Variants in VRK2 observed in about 807,000 individuals in gnomAD.
VRK2 encodes serine/threonine-protein kinase VRK2.
VRK2 carries 60 observed loss-of-function variants against 57.6 expected under a neutral mutation model. The observed-to-expected ratio is 1.04, with a 90% confidence interval of 0.85 to 1.29. The LOEUF is 1.29. Among genes scored for constraint, VRK2 ranks in the 50% most tolerant of loss-of-function variants. VRK2 has a pLI of 0.00. For missense variants in VRK2, 705 were observed against 588.1 expected (o/e 1.20, Z -2.06); for synonymous variants, 231 against 199.2 (o/e 1.16, Z -1.35).
chr2:58,144,349 T>G (rs1224153086), intron 11 of VRK2, among the ~76,000 whole-genome samples: 1 of 152,040 alleles, frequency 6.6e-6, no homozygotes, highest in African/African-American at 2.4e-5. Flanking sequence ...TTAGTAATAC[T>G]GTGTTGTATT....
chr2:58,090,672 A>G (rs1353493097), intron 7 of VRK2, among the ~76,000 whole-genome samples: 2 of 152,060 alleles, frequency 1.3e-5, no homozygotes, highest in East Asian at 3.9e-4. Context: ...AAAGCTAGAC[A>G]CTCTTAACAT....
intron 1 of VRK2, among the ~76,000 whole-genome samples, chr2:57,958,480 C>T (rs755373144): frequency 3.4e-4 from 51 of 150,996 alleles, no homozygotes; most frequent in Non-Finnish European, 6.0e-4. Context: ...TACACACACA[C>T]ATATATCATA....
intron 4 of VRK2, among the ~76,000 whole-genome samples, chr2:58,085,942 T>G (rs1671562868): frequency 6.8e-6 from 1 of 148,002 alleles, no homozygotes. Context: ...TTTTTTTTTT[T>G]TTTTGGTCCA....
At chr2:58,046,562 C>T (rs1271186290), upstream of VRK2, 108 of 985,504 alleles carry the variant, frequency 1.1e-4, no homozygotes, top group Non-Finnish European at 1.3e-4. Flanking sequence ...CAGACGCTGG[C>T]GGGCCAGGGT....
chr2:58,120,184 C>CTTTTTTTTTTTTTTTTTTTTGTTTTT (rs1677228728), intron 7 of VRK2, among the ~76,000 whole-genome samples: 1 of 51,988 alleles, frequency 1.9e-5, no homozygotes, highest in Non-Finnish European at 3.2e-5. Context: ...TTTTTCTTTT[C>CTTTTTTTTTTTTTTTTTTTTGTTTTT]TTTTTTTTTT....
chr2:58,086,853 G>A (rs1212774833), intron 5 of VRK2, among the ~76,000 whole-genome samples: 2 of 152,110 alleles, frequency 1.3e-5, no homozygotes, highest in Non-Finnish European at 1.5e-5. Flanking sequence ...ATTGGGGGAC[G>A]GGGAGAGCAT....
intron 7 of VRK2, among the ~76,000 whole-genome samples, chr2:58,096,837 ATTG>A (rs989513052): frequency 2.7e-5 from 4 of 150,862 alleles, no homozygotes; most frequent in Non-Finnish European, 5.9e-5. Context: ...TTCCTCCCTT[ATTG>A]TTTTATATTA....
rs1483994283 is a variant in VRK2, at chr2:58,139,765, CT to C, written c.959del (p.Leu320Ter). On this transcript the variant is annotated frameshift_variant, in exon 11 of 13. Coordinates refer to ENST00000340157, the MANE Select transcript of VRK2 (RefSeq NM_006296.7). LOFTEE classifies it high-confidence loss of function. ...AAAATTTTGAACCCTCATGGAATACCTTTAGGACCACTGGACTTTTCCACAA... is the reference window on the plus strand; with the variant it reads ...AAAATTTTGAACCCTCATGGAATACCTTAGGACCACTGGACTTTTCCACAA... Reference protein sequence around the residue: ...LKKILNPHGIPLGPLDFSTKG... With the variant: ...LKKILNPHGIXLGPLDFSTKG... 6.2e-7 allele frequency: 1 copy of C among 1,613,156 alleles called. No individual in the cohort carries two copies. Among genetic ancestry groups the C allele is most frequent in the East Asian group, 2.2e-5 (1 of 44,778 alleles).
At chr2:58,158,110 TCCTTA>T (rs1558718645) in intron 12 of VRK2, among the ~76,000 whole-genome samples, 1 of 152,218 alleles carries the variant, frequency 6.6e-6, no homozygotes, top group Non-Finnish European at 1.5e-5. Flanking sequence ...TTGACTTCTA[TCCTTA>T]CCTAAGTGGA....
intron 12 of VRK2, among the ~76,000 whole-genome samples, chr2:58,147,449 C>T (rs549767745): frequency 6.6e-6 from 1 of 151,940 alleles, no homozygotes; most frequent in Admixed American, 6.6e-5. Flanking sequence ...AAAGACAAAT[C>T]GTGCTTGGTG....
intron 11 of VRK2, among the ~76,000 whole-genome samples, 186 bp from the exon 12 acceptor site, chr2:58,146,130 T>C (rs1682086409): frequency 6.6e-6 from 1 of 152,022 alleles, no homozygotes; most frequent in Non-Finnish European, 1.5e-5. Flanking sequence ...GTCCCATTGA[T>C]GAGAAAGGGT....
upstream of VRK2, chr2:58,046,796 G>A (rs1245569099): frequency 1.9e-5 from 19 of 985,548 alleles, 1 homozygote; most frequent in South Asian, 7.0e-4. Context: ...TGTAGGCCCG[G>A]GGGCTCCGCC....
intron 1 of VRK2, among the ~76,000 whole-genome samples, chr2:58,021,640 T>C (rs1358367156): frequency 6.6e-6 from 1 of 152,190 alleles, no homozygotes; most frequent in Non-Finnish European, 1.5e-5. Flanking sequence ...ATCTTTTCTT[T>C]GTAATAGAAC....
chr2:58,028,735 G>A (rs1406821536), intron 2 of VRK2, among the ~76,000 whole-genome samples: 1 of 150,650 alleles, frequency 6.6e-6, no homozygotes, highest in Non-Finnish European at 1.5e-5. Context: ...GGGGCCTGTT[G>A]TGGGGTTGGG....
intron 1 of VRK2, among the ~76,000 whole-genome samples, chr2:57,939,515 A>T (rs531786306): frequency 9.8e-5 from 15 of 152,334 alleles, no homozygotes; most frequent in Non-Finnish European, 2.1e-4. Flanking sequence ...CATTTATTCA[A>T]ATAAAAAAAT....
In VRK2 at chr2:58,062,934, T is replaced by C. The variant is rs528149062; in HGVS notation, c.136+13967T>C. 3.9e-5 allele frequency among the ~76,000 whole-genome samples: 6 copies of C among 152,224 alleles called. No homozygotes were observed. The South Asian group carries it at 1.2e-3, about 32-fold the overall frequency. On this transcript the variant is annotated intron_variant, in intron 2 of 12. Transcript: ENST00000340157. ...ACAGCCTTCTATTGGAAGAAGATACTGTGTAGGACATTCATTGCTAGAGAG... is the reference window on the plus strand; with the variant it reads ...ACAGCCTTCTATTGGAAGAAGATACCGTGTAGGACATTCATTGCTAGAGAG...
intron 1 of VRK2, among the ~76,000 whole-genome samples, chr2:57,956,593 A>G (rs1019911739): frequency 5.3e-5 from 8 of 152,144 alleles, no homozygotes; most frequent in Middle Eastern, 3.4e-3. Context: ...TACATATATT[A>G]AGTTTGGGGA....
intron 1 of VRK2, among the ~76,000 whole-genome samples, chr2:57,987,925 T>TA: frequency 6.6e-6 from 1 of 152,290 alleles, no homozygotes. Flanking sequence ...CTTAAAAACT[T>TA]AATTTACAAG....
intron 1 of VRK2, among the ~76,000 whole-genome samples, chr2:57,945,422 C>T (rs1002024650): frequency 4.6e-5 from 7 of 152,096 alleles, no homozygotes; most frequent in Non-Finnish European, 8.8e-5. Flanking sequence ...AGGTCTGGCA[C>T]ATAATAGCTA....
Sources: allele counts gnomAD v4.1 joint callset (sites outside exome capture counted in the v4.1 genomes callset), GRCh38; gene constraint gnomAD v4.1.1; transcripts MANE v1.5; gene names NCBI Gene and HGNC (gene_info 2026-07-23, HGNC 2026-07-21).